Variants in FKBP3 observed in about 807,000 individuals in gnomAD.
FKBP3 encodes FKBP prolyl isomerase 3, also known as peptidyl-prolyl cis-trans isomerase FKBP3.
In FKBP3, 21 loss-of-function variants were observed where a neutral mutation model predicts 30.6. The observed-to-expected ratio is 0.69, with a 90% CI of 0.49 to 0.99. FKBP3 has a LOEUF of 0.99. Among genes scored for constraint, FKBP3 ranks in the 50% least tolerant of loss-of-function variants. The pLI is 0.00. For synonymous variants in FKBP3, 82 were observed against 91.3 expected (o/e 0.90, Z 0.58); for missense variants, 283 against 261.6 (o/e 1.08, Z -0.56).
chr14:45,116,716 C>T (rs1054346462), intron 6 of FKBP3, among the ~76,000 whole-genome samples: 26 of 151,682 alleles, frequency 1.7e-4, no homozygotes, highest in African/African-American at 5.1e-4. Flanking sequence ...ATTAGCCAGG[C>T]GTAGTGGTGC....
At chr14:45,133,955 C>T (rs1054560361) in intron 1 of FKBP3, among the ~76,000 whole-genome samples, 1 of 152,212 alleles carries the variant, frequency 6.6e-6, no homozygotes, top group Non-Finnish European at 1.5e-5. Context: ...CAGAAATCTT[C>T]ACATCCCTTC....
intron 5 of FKBP3, among the ~76,000 whole-genome samples, chr14:45,120,336 T>C (rs1159931280): frequency 6.6e-6 from 1 of 152,154 alleles, no homozygotes; most frequent in East Asian, 1.9e-4. Context: ...TTTCTTTCTG[T>C]TATCTCTCAC....
intron 3 of FKBP3, among the ~76,000 whole-genome samples, chr14:45,121,861 A>G (rs902109487): frequency 6.6e-6 from 1 of 152,164 alleles, no homozygotes; most frequent in Non-Finnish European, 1.5e-5. Context: ...AATTCTTCTA[A>G]TAAGATTCTG....
At chr14:45,123,064 G>A (rs1046066763) in intron 3 of FKBP3, among the ~76,000 whole-genome samples, 3 of 151,506 alleles carry the variant, frequency 2.0e-5, no homozygotes, top group Non-Finnish European at 2.9e-5. Context: ...GTGGTGGCGT[G>A]TGCCTGTAAT....
chr14:45,130,206 A>C (rs568692868), intron 2 of FKBP3, among the ~76,000 whole-genome samples: 2 of 152,318 alleles, frequency 1.3e-5, no homozygotes, highest in African/African-American at 2.4e-5. Flanking sequence ...CTCCTAAATA[A>C]AGATTTCTTT....
intron 4 of FKBP3, 110 bp from the exon 5 acceptor site, chr14:45,121,064 G>A: frequency 2.3e-6 from 2 of 862,906 alleles, no homozygotes; most frequent in Non-Finnish European, 1.8e-6. Flanking sequence ...TTTGATTTCA[G>A]AATTACAATA....
rs1594739421 is a variant in FKBP3 at position 45,116,120 on chromosome 14, C to G, written c.*78G>C. 1.0e-6 allele frequency: 1 copy of G among 1,002,306 alleles called. No homozygotes were observed. Among genetic ancestry groups the G allele is most frequent in the East Asian group, 2.4e-5 (1 of 41,710 alleles). The allele number at this position is 1,002,306 out of a possible 1,614,324, so 62.1% of individuals were successfully genotyped here. ...TCTTCCTTTACAATAGTAACAAGTTCTAACTAGTTGTGTAAATTTCTTCAA... is the reference window on the plus strand; with the variant it reads ...TCTTCCTTTACAATAGTAACAAGTTGTAACTAGTTGTGTAAATTTCTTCAA... On this transcript the variant is annotated 3_prime_UTR_variant, in exon 7 of 7. Transcript: ENST00000396062.
rs774055821 is a variant in FKBP3 at position 45,129,869 on chromosome 14, C to A, written c.243G>T (p.Val81=). 6 of 1,612,956 alleles carry A rather than the reference C, an allele frequency of 3.7e-6. No individual in the cohort carries two copies. The highest frequency in any genetic ancestry group is 5.1e-6 in the Non-Finnish European group (6 of 1,179,398). The change falls in exon 3 of 7, where the codon GTG becomes GTT. Residue 81 remains valine (V), a synonymous_variant. Coordinates refer to ENST00000396062, the MANE Select transcript of FKBP3 (RefSeq NM_002013.4). ...RFKGTESISK[V]SEQVKNVKLN... is the part of the protein sequence containing the mutation. The stretch of plus-strand genomic sequence containing the variant: ...GCTTCACATTTTTTACTTGCTCAGA[C>A]ACTTTACTTATACTTTCAGTACCCT...
intron 4 of FKBP3, among the ~76,000 whole-genome samples, chr14:45,121,202 T>C (rs1328781074): frequency 6.6e-6 from 1 of 152,178 alleles, no homozygotes; most frequent in African/African-American, 2.4e-5. Context: ...CAAAACAGCA[T>C]ACTATCCTGC....
At chr14:45,134,264 G>A in intron 1 of FKBP3, 85 bp downstream of exon 1, 1 of 1,101,852 alleles carries the variant, frequency 9.1e-7, no homozygotes, top group Non-Finnish European at 1.3e-6. Context: ...CGGGGGCACA[G>A]AGGAATACGG....
At chr14:45,118,233 C>T (rs1884899598) in intron 5 of FKBP3, 108 bp from the exon 6 acceptor site, 5 of 635,116 alleles carry the variant, frequency 7.9e-6, no homozygotes, top group South Asian at 2.0e-5. Context: ...GAATCTATTA[C>T]TATAGATTTC....
intron 3 of FKBP3, 51 bp from the exon 4 acceptor site, chr14:45,121,671 TA>T: frequency 6.3e-7 from 1 of 1,578,040 alleles, no homozygotes; most frequent in Admixed American, 1.8e-5. Context: ...TTGTGTCCTT[TA>T]AAAGAATGAC....
chr14:45,116,471 G>GT (rs1884838905), intron 6 of FKBP3, among the ~76,000 whole-genome samples: 2 of 151,548 alleles, frequency 1.3e-5, no homozygotes, highest in Admixed American at 6.6e-5. Flanking sequence ...TAGCTGGGGG[G>GT]GGGTGGAACA....
At chr14:45,129,386 C>T (rs981090787) in intron 3 of FKBP3, among the ~76,000 whole-genome samples, 1 of 152,166 alleles carries the variant, frequency 6.6e-6, no homozygotes, top group Non-Finnish European at 1.5e-5. Flanking sequence ...GAACCCACAT[C>T]CTGCAGCCAA....
In FKBP3 at chr14:45,116,113, A is replaced by G. The variant is rs1594739418; in HGVS notation, c.*85T>C. The G allele has an allele frequency of 1.1e-6, 1 of 938,842 alleles. No individual in the cohort carries two copies. Among genetic ancestry groups the G allele is most frequent in the Non-Finnish European group, 1.7e-6 (1 of 586,786 alleles). The allele number at this position is 938,842 out of a possible 1,614,324, so 58.2% of individuals were successfully genotyped here. ...AGTTGACTCTTCCTTTACAATAGTA[A>G]CAAGTTCTAACTAGTTGTGTAAATT... On this transcript the variant is annotated 3_prime_UTR_variant, in exon 7 of 7. Coordinates refer to ENST00000396062, the MANE Select transcript of FKBP3 (RefSeq NM_002013.4).
intron 6 of FKBP3, 59 bp downstream of exon 6, chr14:45,117,969 A>T: frequency 8.0e-7 from 1 of 1,257,136 alleles, no homozygotes; most frequent in Non-Finnish European, 1.1e-6. Flanking sequence ...CACATCCTCA[A>T]AGGTGATCTA....
chr14:45,116,345 A>G, intron 6 of FKBP3, 93 bp from the exon 7 acceptor site: 1 of 826,890 alleles, frequency 1.2e-6, no homozygotes, highest in Non-Finnish European at 2.1e-6. Context: ...TAGGCTCACT[A>G]GATAAATTGA....
At chr14:45,126,652 T>C (rs745395501) in intron 3 of FKBP3, among the ~76,000 whole-genome samples, 25 of 152,094 alleles carry the variant, frequency 1.6e-4, no homozygotes, top group Non-Finnish European at 2.9e-4. Context: ...AATTTTGAGT[T>C]GTCTAATAGC....
At position 45,115,951 on chromosome 14, in the gene FKBP3, G is replaced by T; in HGVS notation, c.*247C>A. On this transcript the variant is annotated 3_prime_UTR_variant, in exon 7 of 7. Transcript: ENST00000396062. Reference sequence around the variant, plus strand: ...TGAGCCACTTAAGTTTACAACATGAGGTAAAAGGAAAAAGTTCTCCTTGAC... The same window carrying T: ...TGAGCCACTTAAGTTTACAACATGATGTAAAAGGAAAAAGTTCTCCTTGAC... 1 of 430,280 alleles carries T rather than the reference G, an allele frequency of 2.3e-6. No individual in the cohort carries two copies. The highest frequency in any genetic ancestry group is 4.3e-6 in the Non-Finnish European group (1 of 233,944). The allele number at this position is 430,280 out of a possible 1,614,324, so 26.7% of individuals were successfully genotyped here. A position where few individuals can be genotyped will look rare whatever the true frequency, so the allele number is the denominator to read the frequency against.
Sources: allele counts gnomAD v4.1 joint callset (sites outside exome capture counted in the v4.1 genomes callset), GRCh38; gene constraint gnomAD v4.1.1; transcripts MANE v1.5; gene names NCBI Gene and HGNC (gene_info 2026-07-23, HGNC 2026-07-21).